The following C8A variants were observed in gnomAD, a reference collection of about 807,000 sequenced individuals.
C8A encodes complement C8 alpha chain.
Under a neutral mutation model 65.3 loss-of-function variants are expected in C8A, and 67 were observed. The observed-to-expected ratio is 1.03, with a 90% CI of 0.84 to 1.26. C8A has a LOEUF of 1.26. C8A is among the 50% of genes most tolerant of loss of function. C8A has a pLI of 0.00. For synonymous variants in C8A, 290 were observed against 259.4 expected, an observed-to-expected ratio of 1.12 and a Z score of -1.13; for missense variants, 781 against 723.9, an observed-to-expected ratio of 1.08 and a Z score of -0.90.
Position 56,854,811 on chromosome 1 carries a change from G to C in C8A, c.-91G>C. The C allele has an allele frequency of 9.5e-7, 1 of 1,055,296 alleles. No individual in the cohort carries two copies. Among genetic ancestry groups the C allele is most frequent in the African/African-American group, 1.6e-5 (1 of 64,084 alleles). 65.4% of individuals were successfully genotyped at this position (1,055,296 alleles called of 1,614,324 possible). ...TTTCCAACATCAGATAGATCTTACAGGTCCCAGCCTGTAGACATCTTTTAC... is the reference window on the plus strand; with the variant it reads ...TTTCCAACATCAGATAGATCTTACACGTCCCAGCCTGTAGACATCTTTTAC... On this transcript the variant is annotated 5_prime_UTR_variant, in exon 1 of 11. Coordinates refer to ENST00000361249, the MANE Select transcript of C8A (RefSeq NM_000562.3).
chr1:56,855,877 G>A (rs1643970025), intron 1 of C8A, among the ~76,000 whole-genome samples: 2 of 152,002 alleles, frequency 1.3e-5, no homozygotes, highest in South Asian at 4.2e-4. Flanking sequence ...ATTTTTAAAA[G>A]CAGTTAATTT....
intron 7 of C8A, among the ~76,000 whole-genome samples, chr1:56,888,827 C>T (rs1396591170): frequency 1.3e-5 from 2 of 152,094 alleles, no homozygotes; most frequent in African/African-American, 4.8e-5. Context: ...TTTCTTGACA[C>T]CATTTAGAGA....
chr1:56,896,963 C>T (rs1644391303), intron 7 of C8A, among the ~76,000 whole-genome samples: 1 of 152,130 alleles, frequency 6.6e-6, no homozygotes, highest in African/African-American at 2.4e-5. Flanking sequence ...CAGATGAGGA[C>T]CACCAGGCAC....
At chr1:56,906,586 T>G (rs552578841) in intron 7 of C8A, 81 bp from the exon 8 acceptor site, 12 of 1,554,946 alleles carry the variant, frequency 7.7e-6, no homozygotes, top group African/African-American at 1.4e-5. Flanking sequence ...AAGCTAGCTT[T>G]TACTACTCTG....
chr1:56,859,759 A>T (rs547488781), intron 1 of C8A, among the ~76,000 whole-genome samples: 12 of 85,046 alleles, frequency 1.4e-4, no homozygotes, highest in East Asian at 1.0e-3. Flanking sequence ...ATAAATATAT[A>T]AAAAAAAATT....
Position 56,912,754 on chromosome 1 carries a change from G to A in C8A, c.1603+129G>A. ...TAGCCAATACCTAGGAGCCACCCTT[G>A]AGAGTTCTGTTACTCACCCATCACA... is the stretch of plus-strand genomic sequence containing the variant. On this transcript the variant is annotated intron_variant, in intron 10 of 10. Coordinates refer to ENST00000361249, the MANE Select transcript of C8A (RefSeq NM_000562.3). 5.1e-6 allele frequency: 4 copies of A among 780,936 alleles called. No individual in the cohort carries two copies. In the South Asian group the frequency reaches 6.0e-5, roughly 12 times the overall value. 48.4% of individuals were successfully genotyped at this position (780,936 alleles called of 1,614,324 possible).
chr1:56,901,329 C>T (rs1239669150), intron 7 of C8A, among the ~76,000 whole-genome samples: 4 of 152,276 alleles, frequency 2.6e-5, no homozygotes, highest in Admixed American at 2.6e-4. Flanking sequence ...CTGTTTTCCA[C>T]CTAATGCTTT....
chr1:56,911,207 C>T (rs983845819), intron 9 of C8A, among the ~76,000 whole-genome samples: 2 of 151,894 alleles, frequency 1.3e-5, no homozygotes, highest in Non-Finnish European at 2.9e-5. Context: ...AAGTATTATT[C>T]CCATTTTCTA....
At chr1:56,857,351 T>C (rs1271448480) in intron 1 of C8A, among the ~76,000 whole-genome samples, 1 of 151,828 alleles carries the variant, frequency 6.6e-6, no homozygotes, top group Non-Finnish European at 1.5e-5. Flanking sequence ...TTCTGACTGC[T>C]TGATAATTTA....
chr1:56,916,041 G>C (rs1011130190), intron 10 of C8A, among the ~76,000 whole-genome samples: 10 of 152,200 alleles, frequency 6.6e-5, no homozygotes, highest in Non-Finnish European at 1.0e-4. Context: ...ACACAGCATA[G>C]AGACAGGAAG....
intron 2 of C8A, among the ~76,000 whole-genome samples, chr1:56,872,048 G>A (rs1438114243): frequency 6.6e-6 from 1 of 152,100 alleles, no homozygotes; most frequent in African/African-American, 2.4e-5. Context: ...ATATGCTAAG[G>A]TATCCTGGCA....
At chr1:56,881,071 G>A (rs1644243450) in intron 4 of C8A, among the ~76,000 whole-genome samples, 1 of 152,190 alleles carries the variant, frequency 6.6e-6, no homozygotes, top group Non-Finnish European at 1.5e-5. Context: ...TCTGGGTAAA[G>A]GAAATCTGAA....
At chr1:56,869,672 A>G (rs1192435159) in intron 2 of C8A, among the ~76,000 whole-genome samples, 1 of 152,162 alleles carries the variant, frequency 6.6e-6, no homozygotes, top group East Asian at 1.9e-4. Flanking sequence ...CCATGTCAAC[A>G]TCTATTATGT....
At chr1:56,885,326 T>TTAAATATATATTTATATTTATA (rs1644283120) in intron 6 of C8A, among the ~76,000 whole-genome samples, 1 of 132,742 alleles carries the variant, frequency 7.5e-6, no homozygotes, top group African/African-American at 2.9e-5. Flanking sequence ...ATATATTTAT[T>TTAAATATATATTTATATTTATA]TAAATATATA....
chr1:56,875,067 G>C lies in C8A; in HGVS notation c.290G>C (p.Gly97Ala), dbSNP rs200250618. The C allele has an allele frequency of 1.9e-6, 3 of 1,613,688 alleles. No individual in the cohort carries two copies. Among genetic ancestry groups the C allele is most frequent in the Admixed American group, 3.3e-5 (2 of 59,978 alleles). ...STTCVRQAQC[G>A]QDFQCKETGR... ...ACTTGTGTAAGGCAAGCACAGTGTGGACAGGATTTCCAGTGTAAGGAGACA... is the reference window on the plus strand; with the variant it reads ...ACTTGTGTAAGGCAAGCACAGTGTGCACAGGATTTCCAGTGTAAGGAGACA... Residue 97 changes from glycine to alanine, a missense_variant, in exon 3 of 11, where the codon GGA becomes GCA. Physicochemically the swap from Gly to Ala is moderately conservative, Grantham distance 60. Transcript: ENST00000361249.
At chr1:56,856,840 A>AT (rs1266425927) in intron 1 of C8A, among the ~76,000 whole-genome samples, 1 of 151,904 alleles carries the variant, frequency 6.6e-6, no homozygotes, top group Non-Finnish European at 1.5e-5. Context: ...ACAGTTGCTT[A>AT]TTATAAAATC....
chr1:56,859,339 T>C (rs1644008240), intron 1 of C8A, among the ~76,000 whole-genome samples: 1 of 152,236 alleles, frequency 6.6e-6, no homozygotes, highest in Non-Finnish European at 1.5e-5. Context: ...TGGTGAGCAA[T>C]ACAGTCATAA....
intron 7 of C8A, among the ~76,000 whole-genome samples, chr1:56,892,825 T>G (rs1202486252): frequency 6.6e-6 from 1 of 152,142 alleles, no homozygotes; most frequent in Non-Finnish European, 1.5e-5. Context: ...CAACATGAAG[T>G]AGAATGCTTC....
At chr1:56,861,310 G>A (rs1644031254) in intron 1 of C8A, among the ~76,000 whole-genome samples, 1 of 152,114 alleles carries the variant, frequency 6.6e-6, no homozygotes, top group Non-Finnish European at 1.5e-5. Flanking sequence ...ACATCCTGGT[G>A]AGTACTTTTG....
Sources: gnomAD v4.1 joint callset for allele counts (sites outside exome capture counted in the v4.1 genomes callset) on GRCh38, gnomAD v4.1.1 for gene constraint, MANE v1.5 for transcripts, NCBI Gene and HGNC (gene_info 2026-07-23, HGNC 2026-07-21) for gene names.